STAC: variants seen among roughly 807,000 people sequenced by gnomAD.
The protein encoded by STAC is SH3 and cysteine rich domain, also known as SH3 and cysteine-rich domain-containing protein.
Under a neutral mutation model 48.8 loss-of-function variants are expected in STAC, and 43 were observed. The observed-to-expected ratio is 0.88, with a 90% CI of 0.69 to 1.14. The LOEUF is 1.14. Ranked by LOEUF, STAC falls within the 50% of genes most tolerant of loss-of-function variation. The probability of loss-of-function intolerance (pLI) is 0.00; values close to 1 mark genes in which losing one functional copy is unlikely to be tolerated. For synonymous variants in STAC, 193 were observed against 179.5 expected, an observed-to-expected ratio of 1.07 and a Z score of -0.60; for missense variants, 497 against 504.0, an observed-to-expected ratio of 0.99 and a Z score of 0.13.
chr3:36,533,887 A>T (rs1179516591), intron 10 of STAC, among the ~76,000 whole-genome samples: 1 of 152,120 alleles, frequency 6.6e-6, no homozygotes, highest in East Asian at 1.9e-4. Context: ...GGGGTACAAC[A>T]TGTGCAGGTT....
rs1698199139 is a variant in STAC at position 36,498,394 on chromosome 3, T to C, written c.766+5165T>C. ...AGCCAAAGCAGTAGAATTTGTGAGA[T>C]TAAAAGTGACATGAAAGATGAATAA... On this transcript the variant is annotated intron_variant, in intron 6 of 10. Coordinates refer to ENST00000273183, the MANE Select transcript of STAC (RefSeq NM_003149.3). Among the ~76,000 whole-genome samples, 4 of 152,254 alleles carry C rather than the reference T, an allele frequency of 2.6e-5. No homozygotes were observed. The South Asian group carries it at 6.2e-4, about 24-fold the overall frequency.
intron 1 of STAC, among the ~76,000 whole-genome samples, chr3:36,394,897 T>A (rs1699825499): frequency 6.6e-6 from 1 of 150,904 alleles, no homozygotes; most frequent in African/African-American, 2.4e-5. Flanking sequence ...AAAAAAGGAA[T>A]ATATTTGCAT....
chr3:36,530,844 C>G (rs1050724448), intron 10 of STAC, among the ~76,000 whole-genome samples: 2 of 151,948 alleles, frequency 1.3e-5, no homozygotes, highest in African/African-American at 4.8e-5. Context: ...GTGATCCACC[C>G]GCCTCGGCCT....
chr3:36,464,783 T>C (rs1434305890), intron 2 of STAC, among the ~76,000 whole-genome samples: 1 of 152,154 alleles, frequency 6.6e-6, no homozygotes, highest in African/African-American at 2.4e-5. Flanking sequence ...ATTATTTTGT[T>C]CCTTTTTATG....
chr3:36,456,876 A>C (rs1031954635), intron 2 of STAC, among the ~76,000 whole-genome samples: 8 of 152,172 alleles, frequency 5.3e-5, no homozygotes, highest in African/African-American at 1.9e-4. Context: ...TACATTTCAT[A>C]CAAACTCTTT....
intron 1 of STAC, among the ~76,000 whole-genome samples, chr3:36,426,503 A>G (rs1330943675): frequency 6.6e-6 from 1 of 152,248 alleles, no homozygotes; most frequent in Non-Finnish European, 1.5e-5. Flanking sequence ...TTAAAAGTCA[A>G]GGATTATACA....
intron 10 of STAC, among the ~76,000 whole-genome samples, chr3:36,540,446 T>C (rs1699298564): frequency 6.6e-6 from 1 of 152,164 alleles, no homozygotes; most frequent in Non-Finnish European, 1.5e-5. Flanking sequence ...GGACCAAATC[T>C]AATCACTTGA....
intron 10 of STAC, among the ~76,000 whole-genome samples, chr3:36,538,836 A>C (rs558766551): frequency 9.9e-5 from 15 of 152,262 alleles, no homozygotes; most frequent in African/African-American, 3.6e-4. Context: ...TTATTTAAAA[A>C]GTTTTCTACC....
intron 1 of STAC, among the ~76,000 whole-genome samples, chr3:36,397,805 A>C (rs1699884308): frequency 6.6e-6 from 1 of 152,134 alleles, no homozygotes; most frequent in Non-Finnish European, 1.5e-5. Flanking sequence ...AAAGCAATAT[A>C]AGTTGTTTCA....
intron 8 of STAC, among the ~76,000 whole-genome samples, chr3:36,510,646 T>C (rs1351319036): frequency 1.3e-5 from 2 of 152,300 alleles, no homozygotes; most frequent in South Asian, 2.1e-4. Context: ...GATGAGTTCA[T>C]GCCCTTTGCA....
Position 36,519,726 on chromosome 3 carries a change from A to C in STAC, c.921-8970A>C, listed in dbSNP as rs1362964621. Among the ~76,000 whole-genome samples the C allele has an allele frequency of 2.0e-5, 3 of 152,210 alleles. No homozygotes were observed. The South Asian group carries it at 6.2e-4, about 32-fold the overall frequency. On this transcript the variant is annotated intron_variant, in intron 8 of 10. Coordinates refer to ENST00000273183, the MANE Select transcript of STAC (RefSeq NM_003149.3). ...AAGATAAAAACATGACTCTCGTGCAATATAAATTGAACACATGTCAGAATT... is the reference window on the plus strand; with the variant it reads ...AAGATAAAAACATGACTCTCGTGCACTATAAATTGAACACATGTCAGAATT...
intron 8 of STAC, among the ~76,000 whole-genome samples, chr3:36,520,720 T>C (rs767633965): frequency 7.2e-5 from 11 of 152,216 alleles, no homozygotes; most frequent in Non-Finnish European, 1.5e-4. Context: ...CATATTATGC[T>C]CTGATGCTGC....
chr3:36,506,124 A>C (rs1451335861), intron 8 of STAC: 1 of 225,294 alleles, frequency 4.4e-6, no homozygotes. Flanking sequence ...ACTTTAGTAC[A>C]TGCTCAACAG....
intron 10 of STAC, among the ~76,000 whole-genome samples, chr3:36,539,112 T>C (rs943993179): frequency 1.3e-5 from 2 of 152,226 alleles, no homozygotes; most frequent in African/African-American, 4.8e-5. Context: ...AGTCTTTCAT[T>C]GCTTCTAATA....
intron 1 of STAC, among the ~76,000 whole-genome samples, chr3:36,403,236 G>T (rs972958984): frequency 6.6e-6 from 1 of 152,084 alleles, no homozygotes; most frequent in African/African-American, 2.4e-5. Context: ...CTGAAAAATA[G>T]AATGAACAAT....
intron 1 of STAC, among the ~76,000 whole-genome samples, chr3:36,408,614 T>C (rs188098870): frequency 1.0e-4 from 15 of 150,328 alleles, no homozygotes; most frequent in African/African-American, 3.6e-4. Flanking sequence ...GAAAAGGTTT[T>C]CTAGACTGAT....
chr3:36,495,782 A>G (rs75883651), intron 6 of STAC, among the ~76,000 whole-genome samples: 3,669 of 152,382 alleles, frequency 0.024, 54 homozygotes, highest in African/African-American at 0.037. Flanking sequence ...TCATACAGTC[A>G]TAAAGTGTCA....
At chr3:36,406,302 G>A (rs893761677) in intron 1 of STAC, among the ~76,000 whole-genome samples, 9 of 152,318 alleles carry the variant, frequency 5.9e-5, no homozygotes, top group Admixed American at 5.9e-4. Flanking sequence ...AATGGGCTAA[G>A]GGAGATGTTA....
intron 1 of STAC, among the ~76,000 whole-genome samples, chr3:36,412,150 T>C (rs1700209076): frequency 6.6e-6 from 1 of 152,166 alleles, no homozygotes. Context: ...AGCAAAGTCA[T>C]GAAGATCTTC....
Sources: gnomAD v4.1 joint callset for allele counts (sites outside exome capture counted in the v4.1 genomes callset) on GRCh38, gnomAD v4.1.1 for gene constraint, MANE v1.5 for transcripts, NCBI Gene and HGNC (gene_info 2026-07-23, HGNC 2026-07-21) for gene names.